GALNT13: variants seen among roughly 807,000 people sequenced by gnomAD.
GALNT13 encodes UDP-GalNAc:polypeptide N-acetylgalactosaminyltransferase 13.
Under a neutral mutation model 64.2 loss-of-function variants are expected in GALNT13, and 28 were observed. That is an observed-to-expected ratio of 0.44 (90% CI 0.32 to 0.60). The LOEUF (loss-of-function observed/expected upper bound fraction) is 0.60. GALNT13 is among the 20% of genes least tolerant of loss of function. The probability of loss-of-function intolerance (pLI) is 0.05; values close to 1 mark genes in which losing one functional copy is unlikely to be tolerated. For synonymous variants in GALNT13, 214 were observed against 224.6 expected (o/e 0.95, Z 0.42); for missense variants, 577 against 669.8 (o/e 0.86, Z 1.53).
At chr2:153,976,902 G>A (rs1189227702) in intron 3 of GALNT13, among the ~76,000 whole-genome samples, 1 of 151,734 alleles carries the variant, frequency 6.6e-6, no homozygotes, top group African/African-American at 2.4e-5. Context: ...AGCTTAGTTA[G>A]GAAATAATAA....
chr2:154,166,825 T>C (rs1685053213), intron 4 of GALNT13, among the ~76,000 whole-genome samples: 2 of 152,156 alleles, frequency 1.3e-5, no homozygotes, highest in Admixed American at 1.3e-4. Context: ...ATGTCCTTTG[T>C]AGGGACATAG....
chr2:154,226,511 GTATT>G (rs1688625681), intron 4 of GALNT13, among the ~76,000 whole-genome samples: 1 of 152,182 alleles, frequency 6.6e-6, no homozygotes, highest in East Asian at 1.9e-4. Flanking sequence ...AAAAAACAAT[GTATT>G]TATTCTTTAA....
chr2:153,562,029 CCT>C, the GALNT13 span, among the ~76,000 whole-genome samples: 3 of 118,482 alleles, frequency 2.5e-5, no homozygotes, highest in East Asian at 5.3e-4. Context: ...CCCTCCCTCT[CCT>C]CTCTCTCTCT....
chr2:154,013,213 C>T (rs774137334), intron 3 of GALNT13, among the ~76,000 whole-genome samples: 6 of 151,318 alleles, frequency 4.0e-5, no homozygotes, highest in South Asian at 2.1e-4. Context: ...GTCCTTTGAA[C>T]GAAGCCTTTT....
chr2:153,170,715 A>G, the GALNT13 span, among the ~76,000 whole-genome samples: 3 of 152,230 alleles, frequency 2.0e-5, no homozygotes, highest in Admixed American at 6.5e-5. Flanking sequence ...AGTTAACATT[A>G]TCTAACAAAT....
chr2:153,867,932 C>G (rs1349155386), upstream of GALNT13, among the ~76,000 whole-genome samples: 1 of 152,110 alleles, frequency 6.6e-6, no homozygotes, highest in Non-Finnish European at 1.5e-5. Context: ...GCTCACCCAT[C>G]CCTCATATCC....
chr2:153,656,342 G>A, the GALNT13 span, among the ~76,000 whole-genome samples: 11 of 151,598 alleles, frequency 7.3e-5, no homozygotes, highest in East Asian at 3.9e-4. Flanking sequence ...GTGTGTGTGC[G>A]CGCGCACATA....
At chr2:153,907,629 T>A (rs1246490220) in intron 2 of GALNT13, among the ~76,000 whole-genome samples, 1 of 151,924 alleles carries the variant, frequency 6.6e-6, no homozygotes, top group Non-Finnish European at 1.5e-5. Flanking sequence ...TCACTTAGCC[T>A]CCACTTACAA....
At chr2:154,421,895 T>A (rs1215309182) in intron 11 of GALNT13, among the ~76,000 whole-genome samples, 1 of 152,038 alleles carries the variant, frequency 6.6e-6, no homozygotes, top group Non-Finnish European at 1.5e-5. Flanking sequence ...TCATAGGGAA[T>A]ACAAAAGAAT....
chr2:153,831,764 C>A, the GALNT13 span, among the ~76,000 whole-genome samples: 1 of 152,148 alleles, frequency 6.6e-6, no homozygotes, highest in East Asian at 1.9e-4. Context: ...ACTTCTACGT[C>A]CTGATTGGGT....
intron 3 of GALNT13, among the ~76,000 whole-genome samples, chr2:154,097,027 T>G (rs1227865465): frequency 6.6e-6 from 1 of 151,886 alleles, no homozygotes; most frequent in Non-Finnish European, 1.5e-5. Context: ...AGTAAATAAA[T>G]AAATATTTTA....
chr2:153,217,902 T>C, the GALNT13 span, among the ~76,000 whole-genome samples: 198 of 152,332 alleles, frequency 1.3e-3, no homozygotes, highest in African/African-American at 4.7e-3. Context: ...TCATTTTTAT[T>C]ATATATGGCA....
At chr2:154,454,999 TCAG>T (rs548246484), downstream of GALNT13, among the ~76,000 whole-genome samples, 141 of 152,238 alleles carry the variant, frequency 9.3e-4, no homozygotes, top group Non-Finnish European at 1.5e-3. Context: ...TGCAGGGAAA[TCAG>T]CAGAGATTTC....
At chr2:153,659,797 A>G in the GALNT13 span, among the ~76,000 whole-genome samples, 1 of 152,162 alleles carries the variant, frequency 6.6e-6, no homozygotes, top group East Asian at 1.9e-4. Flanking sequence ...AAATAAAAAT[A>G]AATTTTTTAA....
the GALNT13 span, among the ~76,000 whole-genome samples, chr2:153,131,064 C>T: frequency 1.3e-5 from 2 of 152,182 alleles, no homozygotes; most frequent in East Asian, 3.9e-4. Context: ...CTTCTAAAGT[C>T]TCTTATGGTA....
chr2:153,387,038 G>A, the GALNT13 span, among the ~76,000 whole-genome samples: 1 of 152,028 alleles, frequency 6.6e-6, no homozygotes. Flanking sequence ...ATTTAGAAAA[G>A]GAAAATGATT....
At chr2:153,745,953 C>T in the GALNT13 span, among the ~76,000 whole-genome samples, 1 of 152,130 alleles carries the variant, frequency 6.6e-6, no homozygotes, top group South Asian at 2.1e-4. Flanking sequence ...CATCAGAAAA[C>T]CTGAAACTGC....
chr2:153,744,517 T>A, the GALNT13 span, among the ~76,000 whole-genome samples: 1 of 152,296 alleles, frequency 6.6e-6, no homozygotes, highest in African/African-American at 2.4e-5. Flanking sequence ...CTATTTTTAA[T>A]CAAATTATTA....
In GALNT13 at chr2:153,986,219, T is replaced by A. The variant is rs1003238286; in HGVS notation, c.142+41580T>A. ...GTACATGCATTAACATGGAGAAGGT[T>A]TATTTTGGAAGAATCTCATGTAGAA... On this transcript the variant is annotated intron_variant, in intron 3 of 12. Coordinates refer to ENST00000392825, the MANE Select transcript of GALNT13 (RefSeq NM_052917.4). Among the ~76,000 whole-genome samples, 15 of 151,998 alleles carry A rather than the reference T, an allele frequency of 9.9e-5. 1 individual carries two copies. The highest frequency in any genetic ancestry group is 9.9e-4 in the Admixed American group (15 of 15,204).
Sources: gnomAD v4.1 joint callset for allele counts (sites outside exome capture counted in the v4.1 genomes callset) on GRCh38, gnomAD v4.1.1 for gene constraint, MANE v1.5 for transcripts, NCBI Gene and HGNC (gene_info 2026-07-23, HGNC 2026-07-21) for gene names.